SUPT3H: variants seen among roughly 807,000 people sequenced by gnomAD.
The protein encoded by SUPT3H is SPT3 homolog, SAGA and STAGA complex component.
A neutral mutation model predicts 44.3 loss-of-function variants in SUPT3H; 44 were observed. That is an observed-to-expected ratio of 0.99 (90% confidence interval 0.78 to 1.28). SUPT3H has a LOEUF of 1.28. Among genes scored for constraint, SUPT3H ranks in the 50% most tolerant of loss-of-function variants. SUPT3H has a pLI of 0.00. For synonymous variants in SUPT3H, 124 were observed against 125.6 expected (o/e 0.99, Z 0.09); for missense variants, 380 against 387.1 (o/e 0.98, Z 0.15).
chr6:44,865,987 C>T (rs1370714772), intron 10 of SUPT3H, among the ~76,000 whole-genome samples: 1 of 152,058 alleles, frequency 6.6e-6, no homozygotes, highest in Non-Finnish European at 1.5e-5. Context: ...AGTTTAAGAG[C>T]TCTGCTTGAC....
At chr6:44,981,912 G>A (rs1030561064) in intron 6 of SUPT3H, among the ~76,000 whole-genome samples, 9 of 150,354 alleles carry the variant, frequency 6.0e-5, no homozygotes, top group South Asian at 2.1e-4. Flanking sequence ...ACCATGGTGC[G>A]TGCCTGTAGT....
Position 45,057,821 on chromosome 6 carries a change from T to C in SUPT3H, c.187-37189A>G, listed in dbSNP as rs116668812. Among the ~76,000 whole-genome samples, 1,071 of 152,178 alleles carry C rather than the reference T, an allele frequency of 7.0e-3. 21 individuals are homozygous for C. Among genetic ancestry groups the C allele is most frequent in the African/African-American group, 0.025 (1,018 of 41,540 alleles). On this transcript the variant is annotated intron_variant, in intron 3 of 10. Transcript: ENST00000371459. ...AGACAAACTGCTGGGAAAGCCACAGTGTGAGGGGGAAAATGTCACTTCAGT... is the reference window on the plus strand; with the variant it reads ...AGACAAACTGCTGGGAAAGCCACAGCGTGAGGGGGAAAATGTCACTTCAGT...
intron 3 of SUPT3H, among the ~76,000 whole-genome samples, chr6:45,062,313 C>G (rs1792237475): frequency 6.6e-6 from 1 of 152,104 alleles, no homozygotes; most frequent in African/African-American, 2.4e-5. Flanking sequence ...GTACTAAATT[C>G]TAGTTTTCAA....
intron 6 of SUPT3H, among the ~76,000 whole-genome samples, chr6:44,964,505 T>C (rs1422458372): frequency 6.6e-6 from 1 of 152,138 alleles, no homozygotes; most frequent in African/African-American, 2.4e-5. Flanking sequence ...AAATGAGAGG[T>C]AGCAAAATTT....
intron 2 of SUPT3H, chr6:45,197,720 G>A (rs1194194912): frequency 7.7e-6 from 2 of 259,572 alleles, no homozygotes; most frequent in African/African-American, 2.4e-5. Context: ...TATTTTTAGG[G>A]CCCACATGTA....
chr6:45,358,735 A>G (rs1793700041), intron 2 of SUPT3H, among the ~76,000 whole-genome samples: 2 of 152,172 alleles, frequency 1.3e-5, no homozygotes, highest in African/African-American at 4.8e-5. Context: ...GATTTTTGAA[A>G]GTTAATACTG....
chr6:45,224,487 A>C (rs1225353769), intron 2 of SUPT3H, among the ~76,000 whole-genome samples: 2 of 152,158 alleles, frequency 1.3e-5, no homozygotes, highest in African/African-American at 4.8e-5. Context: ...TTAAATCTCT[A>C]TATATTACCA....
intron 2 of SUPT3H, among the ~76,000 whole-genome samples, chr6:45,126,594 G>T (rs890912412): frequency 5.3e-5 from 8 of 152,138 alleles, no homozygotes; most frequent in African/African-American, 1.9e-4. Flanking sequence ...AAGATTTACA[G>T]AATGTTCTGG....
At chr6:45,342,645 G>T (rs1174599001) in intron 2 of SUPT3H, among the ~76,000 whole-genome samples, 2 of 152,068 alleles carry the variant, frequency 1.3e-5, no homozygotes, top group Admixed American at 1.3e-4. Flanking sequence ...TTACACAGTA[G>T]CAGGATTTTG....
At chr6:45,053,714 C>T (rs534563109) in intron 3 of SUPT3H, among the ~76,000 whole-genome samples, 7 of 126,636 alleles carry the variant, frequency 5.5e-5, no homozygotes, top group East Asian at 4.5e-4. Context: ...CTGTCTAACA[C>T]GGTGAAACCC....
intron 10 of SUPT3H, among the ~76,000 whole-genome samples, chr6:44,894,095 G>T (rs36132295): frequency 5.9e-5 from 8 of 136,520 alleles, no homozygotes; most frequent in Non-Finnish European, 9.5e-5. Flanking sequence ...TAAATTTGTT[G>T]GAGTTCATTG....
At chr6:45,004,907 A>G (rs1327502736) in intron 5 of SUPT3H, among the ~76,000 whole-genome samples, 1 of 152,138 alleles carries the variant, frequency 6.6e-6, no homozygotes, top group African/African-American at 2.4e-5. Flanking sequence ...TACAGTATGT[A>G]TGTACCACAG....
chr6:45,338,628 A>T (rs1456875094), intron 2 of SUPT3H, among the ~76,000 whole-genome samples: 2 of 152,130 alleles, frequency 1.3e-5, no homozygotes, highest in Admixed American at 1.3e-4. Context: ...TGATAAAAAT[A>T]ATAATACTAT....
At chr6:45,237,633 G>A (rs1313574727) in intron 2 of SUPT3H, among the ~76,000 whole-genome samples, 1 of 152,168 alleles carries the variant, frequency 6.6e-6, no homozygotes, top group Non-Finnish European at 1.5e-5. Context: ...GGCAGCCATT[G>A]TTAAGCCTCC....
rs1209773049 is a variant in SUPT3H at position 45,016,680 on chromosome 6, G to T, written c.274-1789C>A. 8.8e-3 allele frequency among the ~76,000 whole-genome samples: 1,341 copies of T among 151,740 alleles called. 13 individuals are homozygous for T. The highest frequency in any genetic ancestry group is 0.014 in the Non-Finnish European group (930 of 67,872). On this transcript the variant is annotated intron_variant, in intron 4 of 10. Coordinates refer to ENST00000371459, the MANE Select transcript of SUPT3H (RefSeq NM_003599.4). ...CCTACAAAGGACATGAACTCATCAC[G>T]TTTTATGGCTGCATAGTATTCCATC...
chr6:44,934,396 C>T (rs1313586039), intron 9 of SUPT3H, among the ~76,000 whole-genome samples: 3 of 152,064 alleles, frequency 2.0e-5, no homozygotes, highest in African/African-American at 7.2e-5. Context: ...TTCAAAGAAA[C>T]AGAAACCAAA....
chr6:44,938,177 G>A (rs1771803372), intron 9 of SUPT3H, among the ~76,000 whole-genome samples: 1 of 151,468 alleles, frequency 6.6e-6, no homozygotes, highest in African/African-American at 2.4e-5. Context: ...TTTTCCTCAG[G>A]TTTACTTTGA....
At chr6:44,904,554 T>C (rs1039017556) in intron 10 of SUPT3H, among the ~76,000 whole-genome samples, 2 of 152,180 alleles carry the variant, frequency 1.3e-5, no homozygotes, top group Non-Finnish European at 2.9e-5. Flanking sequence ...TCCATGCTCA[T>C]GGATAGGAAG....
intron 10 of SUPT3H, among the ~76,000 whole-genome samples, chr6:44,843,931 A>ACGCG (rs1307178665): frequency 0.053 from 353 of 6,662 alleles, 8 homozygotes; most frequent in Admixed American, 0.11. Flanking sequence ...ACACACGCAC[A>ACGCG]CACACACACA....
Sources: allele counts gnomAD v4.1 joint callset (sites outside exome capture counted in the v4.1 genomes callset), GRCh38; gene constraint gnomAD v4.1.1; transcripts MANE v1.5; gene names NCBI Gene and HGNC (gene_info 2026-07-23, HGNC 2026-07-21).